MAML3: variants seen among roughly 807,000 people sequenced by gnomAD.
MAML3 encodes mastermind like transcriptional coactivator 3, also known as mastermind-like protein 3.
MAML3 carries 27 observed loss-of-function variants against 101.9 expected under a neutral mutation model. That is an observed-to-expected ratio of 0.27 (90% CI 0.20 to 0.37). MAML3 has a LOEUF of 0.37. Among genes scored for constraint, MAML3 ranks in the 10% least tolerant of loss-of-function variants. The probability of loss-of-function intolerance (pLI) is 1.00; values close to 1 mark genes in which losing one functional copy is unlikely to be tolerated. For missense variants in MAML3, 1,316 were observed against 1,444.9 expected (o/e 0.91, Z 1.45); for synonymous variants, 501 against 555.9 (o/e 0.90, Z 1.39).
At chr4:139,888,614 T>A (rs1436597446) in intron 2 of MAML3, 2 of 518,932 alleles carry the variant, frequency 3.9e-6, no homozygotes, top group African/African-American at 1.9e-5. Flanking sequence ...TTTTTTACCA[T>A]GCATACCAAG....
intron 2 of MAML3, among the ~76,000 whole-genome samples, chr4:139,801,774 A>G (rs1029217851): frequency 1.4e-4 from 21 of 152,224 alleles, no homozygotes; most frequent in African/African-American, 3.9e-4. Flanking sequence ...GCTTAGGATC[A>G]GCAGCAGACA....
chr4:139,791,582 AAATAT>A (rs905401485), intron 2 of MAML3, among the ~76,000 whole-genome samples: 2 of 152,058 alleles, frequency 1.3e-5, no homozygotes, highest in African/African-American at 4.8e-5. Context: ...ATTTCCTCTA[AAATAT>A]AATATAAAGA....
At chr4:139,808,815 C>T (rs1432081289) in intron 2 of MAML3, among the ~76,000 whole-genome samples, 1 of 152,154 alleles carries the variant, frequency 6.6e-6, no homozygotes, top group African/African-American at 2.4e-5. Context: ...ATACATGGCT[C>T]ACTGAGCTTA....
At chr4:139,755,672 GA>G (rs1330491066) in intron 2 of MAML3, among the ~76,000 whole-genome samples, 1 of 152,170 alleles carries the variant, frequency 6.6e-6, no homozygotes, top group African/African-American at 2.4e-5. Context: ...GAGAAAGAGT[GA>G]GCTTTTGCAT....
chr4:139,778,685 C>T (rs7699502), intron 2 of MAML3, among the ~76,000 whole-genome samples: 35,162 of 152,096 alleles, frequency 0.23, 4,221 homozygotes, highest in African/African-American at 0.27. Flanking sequence ...CACGTTCCCA[C>T]AGAAAATGCT....
At chr4:139,855,901 T>C (rs1202573903) in intron 2 of MAML3, among the ~76,000 whole-genome samples, 2 of 152,248 alleles carry the variant, frequency 1.3e-5, no homozygotes, top group East Asian at 3.8e-4. Flanking sequence ...AATTGTTCTA[T>C]TCCAAATGTA....
intron 2 of MAML3, among the ~76,000 whole-genome samples, chr4:139,814,025 A>AACAC (rs70943442): frequency 0.039 from 5,596 of 145,064 alleles, 136 homozygotes; most frequent in East Asian, 0.087. Flanking sequence ...CACAAACACA[A>AACAC]ACACACACAC....
chr4:139,922,773 G>A (rs956911112), intron 1 of MAML3, among the ~76,000 whole-genome samples: 2 of 152,146 alleles, frequency 1.3e-5, no homozygotes, highest in African/African-American at 4.8e-5. Context: ...ATGCTCACGT[G>A]GTGCCATCCA....
intron 2 of MAML3, among the ~76,000 whole-genome samples, chr4:139,784,571 C>T (rs2063472): frequency 0.24 from 36,681 of 152,016 alleles, 4,677 homozygotes; most frequent in African/African-American, 0.31. Flanking sequence ...TTTTCTTGTG[C>T]GCGTGTGTGG....
intron 1 of MAML3, among the ~76,000 whole-genome samples, chr4:139,962,861 C>G (rs1168642345): frequency 6.6e-6 from 1 of 151,836 alleles, no homozygotes; most frequent in Admixed American, 6.6e-5. Flanking sequence ...CCAGGTTAAC[C>G]CTCTTGTTAC....
At chr4:139,969,963 G>A (rs1734205597) in intron 1 of MAML3, among the ~76,000 whole-genome samples, 2 of 152,160 alleles carry the variant, frequency 1.3e-5, no homozygotes, top group Non-Finnish European at 2.9e-5. Flanking sequence ...TTCAGACCTT[G>A]ATCTGCCACT....
chr4:139,818,251 C>G (rs1230047459), intron 2 of MAML3, among the ~76,000 whole-genome samples: 2 of 152,306 alleles, frequency 1.3e-5, no homozygotes, highest in South Asian at 4.2e-4. Context: ...CTTAGACATG[C>G]TCATGGCTGT....
intron 1 of MAML3, among the ~76,000 whole-genome samples, chr4:139,895,857 G>A (rs1456128498): frequency 6.6e-6 from 1 of 152,168 alleles, no homozygotes; most frequent in Non-Finnish European, 1.5e-5. Context: ...TGGAGCCTCC[G>A]AGTGTTCCCT....
intron 1 of MAML3, among the ~76,000 whole-genome samples, chr4:139,917,900 A>G (rs1476179277): frequency 6.6e-6 from 1 of 152,132 alleles, no homozygotes; most frequent in Non-Finnish European, 1.5e-5. Flanking sequence ...ATAGTCAAAG[A>G]CCCATAGACA....
At chr4:140,064,399 G>A (rs1237719331) in intron 1 of MAML3, among the ~76,000 whole-genome samples, 1 of 152,198 alleles carries the variant, frequency 6.6e-6, no homozygotes, top group Non-Finnish European at 1.5e-5. Flanking sequence ...TTTGCGTTTT[G>A]ATAAGATGAA....
At chr4:139,974,795 G>A (rs1734299368) in intron 1 of MAML3, among the ~76,000 whole-genome samples, 1 of 152,152 alleles carries the variant, frequency 6.6e-6, no homozygotes, top group Non-Finnish European at 1.5e-5. Context: ...TCAGAGAAGA[G>A]AGAGATCAAT....
chr4:139,965,327 A>G (rs1385286794), intron 1 of MAML3, among the ~76,000 whole-genome samples: 1 of 152,098 alleles, frequency 6.6e-6, no homozygotes, highest in African/African-American at 2.4e-5. Context: ...TTGAGAGTTG[A>G]ACCTTTCCAT....
At chr4:140,102,299 C>A (rs1247975728) in intron 1 of MAML3, among the ~76,000 whole-genome samples, 1 of 152,126 alleles carries the variant, frequency 6.6e-6, no homozygotes, top group Non-Finnish European at 1.5e-5. Flanking sequence ...CTTCATTTTT[C>A]TCCTATATTT....
intron 1 of MAML3, among the ~76,000 whole-genome samples, chr4:140,065,473 C>T (rs1031301861): frequency 6.6e-6 from 1 of 152,182 alleles, no homozygotes; most frequent in Non-Finnish European, 1.5e-5. Context: ...GCCTTTCACC[C>T]ACAGAGCTGT....
Sources: allele counts gnomAD v4.1 joint callset (sites outside exome capture counted in the v4.1 genomes callset), GRCh38; gene constraint gnomAD v4.1.1; transcripts MANE v1.5; gene names NCBI Gene and HGNC (gene_info 2026-07-23, HGNC 2026-07-21).